Variants in ROCK1 observed in about 807,000 individuals in gnomAD.
ROCK1 encodes rho-associated protein kinase 1.
In ROCK1, 36 loss-of-function variants were observed where a neutral mutation model predicts 196.8. That is an observed-to-expected ratio of 0.18 (90% confidence interval 0.14 to 0.24). The LOEUF is 0.24. Among genes scored for constraint, ROCK1 ranks in the 10% least tolerant of loss-of-function variants. The probability of loss-of-function intolerance (pLI) is 1.00; values close to 1 mark genes in which losing one functional copy is unlikely to be tolerated. For missense variants in ROCK1, 920 were observed against 1,562.0 expected, an observed-to-expected ratio of 0.59 and a Z score of 6.93; for synonymous variants, 443 against 515.9, an observed-to-expected ratio of 0.86 and a Z score of 1.91.
At chr18:20,998,753 C>T (rs1370857974) in intron 16 of ROCK1, among the ~76,000 whole-genome samples, 1 of 151,800 alleles carries the variant, frequency 6.6e-6, no homozygotes, top group Non-Finnish European at 1.5e-5. Flanking sequence ...TATAGACATG[C>T]ACCACCATGC....
intron 23 of ROCK1, among the ~76,000 whole-genome samples, chr18:20,969,698 T>C (rs1394807980): frequency 6.6e-6 from 1 of 152,130 alleles, no homozygotes; most frequent in African/African-American, 2.4e-5. Context: ...CTCATAACAA[T>C]CATGTGGAAG....
intron 8 of ROCK1, 99 bp from the exon 9 acceptor site, chr18:21,039,662 C>T (rs114004576): frequency 2.0e-5 from 16 of 781,724 alleles, no homozygotes; most frequent in African/African-American, 5.2e-5. Flanking sequence ...CAGTGTAGGA[C>T]GACAAATATA....
At chr18:20,973,497 C>G (rs549882349) in intron 22 of ROCK1, among the ~76,000 whole-genome samples, 1 of 151,600 alleles carries the variant, frequency 6.6e-6, no homozygotes, top group Non-Finnish European at 1.5e-5. Flanking sequence ...AGGCTGGTAG[C>G]GAACTCTTGA....
At chr18:21,012,438 T>A (rs1350285615) in intron 13 of ROCK1, among the ~76,000 whole-genome samples, 3 of 152,152 alleles carry the variant, frequency 2.0e-5, no homozygotes, top group Admixed American at 6.5e-5. Context: ...TGTTTTTTTG[T>A]TTTTTTAGCA....
chr18:21,065,762 T>C (rs1439182227), intron 2 of ROCK1, among the ~76,000 whole-genome samples: 1 of 152,176 alleles, frequency 6.6e-6, no homozygotes, highest in Non-Finnish European at 1.5e-5. Context: ...ACATCTTCTT[T>C]GCAGCCTTAT....
At chr18:21,105,102 A>C (rs1334218816) in intron 1 of ROCK1, among the ~76,000 whole-genome samples, 1 of 152,220 alleles carries the variant, frequency 6.6e-6, no homozygotes, top group African/African-American at 2.4e-5. Flanking sequence ...ACCAAATGCT[A>C]TGATAGTTGC....
At chr18:21,061,239 C>T (rs1949238548) in intron 2 of ROCK1, among the ~76,000 whole-genome samples, 1 of 152,068 alleles carries the variant, frequency 6.6e-6, no homozygotes, top group African/African-American at 2.4e-5. Context: ...CCACCATACC[C>T]GGCTAATTTT....
chr18:20,984,102 T>C (rs1005979200), intron 20 of ROCK1, among the ~76,000 whole-genome samples: 1 of 152,240 alleles, frequency 6.6e-6, no homozygotes, highest in African/African-American at 2.4e-5. Flanking sequence ...ACCGTGATTT[T>C]TGTAATTCTA....
intron 1 of ROCK1, among the ~76,000 whole-genome samples, chr18:21,105,367 A>G (rs571241171): frequency 6.6e-6 from 1 of 152,340 alleles, no homozygotes; most frequent in South Asian, 2.1e-4. Flanking sequence ...AGTCTGGTCC[A>G]AACTAACCAG....
chr18:21,013,259 T>G (rs2035833872), intron 13 of ROCK1, among the ~76,000 whole-genome samples: 1 of 152,230 alleles, frequency 6.6e-6, no homozygotes, highest in Non-Finnish European at 1.5e-5. Flanking sequence ...ACTGTTCTGG[T>G]GAAACTAAGG....
intron 16 of ROCK1, among the ~76,000 whole-genome samples, chr18:20,997,240 G>T (rs1452715993): frequency 6.6e-6 from 1 of 152,056 alleles, no homozygotes; most frequent in Non-Finnish European, 1.5e-5. Context: ...CACACTTCAT[G>T]TATAAAGGTA....
chr18:20,960,038 A>G (rs1009691399), intron 28 of ROCK1, 98 bp downstream of exon 28: 1 of 1,060,708 alleles, frequency 9.4e-7, no homozygotes, highest in African/African-American at 1.6e-5. Context: ...TTAATGTAAA[A>G]TAAATGCTAG....
At chr18:20,967,715 C>A in intron 26 of ROCK1, 37 bp downstream of exon 26, 1 of 1,412,130 alleles carries the variant, frequency 7.1e-7, no homozygotes, top group South Asian at 1.5e-5. Context: ...GAAAATAATC[C>A]TTCACACTCA....
At chr18:21,014,653 A>T (rs1339766022) in intron 13 of ROCK1, among the ~76,000 whole-genome samples, 24 of 152,244 alleles carry the variant, frequency 1.6e-4, no homozygotes, top group Non-Finnish European at 1.5e-5. Context: ...TACAAAGGCA[A>T]GTTAGTAAAT....
At chr18:21,013,791 C>T (rs375013308) in intron 13 of ROCK1, among the ~76,000 whole-genome samples, 7 of 151,954 alleles carry the variant, frequency 4.6e-5, no homozygotes, top group Non-Finnish European at 1.0e-4. Context: ...TGGCTGGGCG[C>T]GGTGGCTCAG....
intron 28 of ROCK1, 44 bp from the exon 29 acceptor site, chr18:20,959,972 A>T: frequency 1.6e-6 from 2 of 1,286,102 alleles, no homozygotes; most frequent in East Asian, 4.7e-5. Flanking sequence ...AGCAACATTA[A>T]CTTGGTTTAA....
chr18:21,083,729 A>T (rs1238546997), intron 1 of ROCK1, among the ~76,000 whole-genome samples: 3 of 152,252 alleles, frequency 2.0e-5, no homozygotes, highest in African/African-American at 7.2e-5. Context: ...GTAAGAATAC[A>T]GTACATATAT....
At chr18:20,959,140 TATATAAA>T (rs1192706763) in intron 29 of ROCK1, among the ~76,000 whole-genome samples, 1 of 63,052 alleles carries the variant, frequency 1.6e-5, no homozygotes, top group African/African-American at 8.7e-5. Flanking sequence ...TTATATATAT[TATATAAA>T]ATATATATAT....
chr18:21,045,173 T>G, intron 5 of ROCK1, 119 bp downstream of exon 5: 1 of 935,996 alleles, frequency 1.1e-6, no homozygotes, highest in Non-Finnish European at 1.5e-6. Context: ...TCTTGAGTTC[T>G]GAAAGGTCAC....
Sources: gnomAD v4.1 joint callset for allele counts (sites outside exome capture counted in the v4.1 genomes callset) on GRCh38, gnomAD v4.1.1 for gene constraint, MANE v1.5 for transcripts, NCBI Gene and HGNC (gene_info 2026-07-23, HGNC 2026-07-21) for gene names.